Variants in PTCHD4 observed in about 807,000 individuals in gnomAD.
The protein encoded by PTCHD4 is patched domain-containing protein 4.
In PTCHD4, 33 loss-of-function variants were observed where a neutral mutation model predicts 58.1. That is an observed-to-expected ratio of 0.57 (90% CI 0.43 to 0.76). PTCHD4 has a LOEUF of 0.76. Among genes scored for constraint, PTCHD4 ranks in the 30% least tolerant of loss-of-function variants. PTCHD4 has a pLI of 0.00. For synonymous variants in PTCHD4, 478 were observed against 409.6 expected (o/e 1.17, Z -2.02); for missense variants, 1,058 against 1,027.1 (o/e 1.03, Z -0.41).
chr6:47,915,928 C>A (rs1765229121), intron 4 of PTCHD4, among the ~76,000 whole-genome samples: 1 of 152,064 alleles, frequency 6.6e-6, no homozygotes. Context: ...CTGTAAGAAT[C>A]CTTTATACAC....
At chr6:47,966,817 C>T (rs370739241) in intron 4 of PTCHD4, among the ~76,000 whole-genome samples, 1 of 152,198 alleles carries the variant, frequency 6.6e-6, no homozygotes, top group East Asian at 1.9e-4. Flanking sequence ...GTCCCATTTT[C>T]AGGCTTCACT....
chr6:47,914,757 T>TATC (rs1765188184), intron 4 of PTCHD4, among the ~76,000 whole-genome samples: 1 of 146,958 alleles, frequency 6.8e-6, no homozygotes, highest in Non-Finnish European at 1.5e-5. Context: ...TCTATCTATC[T>TATC]ATCTATCTAT....
At chr6:47,897,410 T>C (rs1764558963) in intron 4 of PTCHD4, among the ~76,000 whole-genome samples, 1 of 152,190 alleles carries the variant, frequency 6.6e-6, no homozygotes, top group African/African-American at 2.4e-5. Context: ...CATGACGCAG[T>C]CCTGGACTTG....
chr6:47,914,390 C>T (rs1765165956), intron 4 of PTCHD4, among the ~76,000 whole-genome samples: 1 of 151,904 alleles, frequency 6.6e-6, no homozygotes, highest in African/African-American at 2.4e-5. Context: ...TGTGGATGGG[C>T]CTTATCCAAC....
intron 4 of PTCHD4, among the ~76,000 whole-genome samples, chr6:47,929,266 A>G (rs1427191543): frequency 1.3e-5 from 2 of 152,252 alleles, no homozygotes; most frequent in Non-Finnish European, 1.5e-5. Context: ...CTAAAGATTC[A>G]AACTCAGAAG....
At chr6:48,002,631 G>C (rs894709660) in intron 4 of PTCHD4, among the ~76,000 whole-genome samples, 2 of 151,640 alleles carry the variant, frequency 1.3e-5, no homozygotes, top group Non-Finnish European at 2.9e-5. Context: ...AGGGGGGAGG[G>C]ATAGCATTAG....
intron 1 of PTCHD4, among the ~76,000 whole-genome samples, chr6:48,085,848 G>C (rs1471871496): frequency 6.6e-6 from 1 of 152,016 alleles, no homozygotes; most frequent in Non-Finnish European, 1.5e-5. Flanking sequence ...TGTGATGCGT[G>C]CTTAGTCTGG....
intron 4 of PTCHD4, among the ~76,000 whole-genome samples, chr6:47,946,959 T>TGG (rs1407280863): frequency 6.6e-6 from 1 of 152,128 alleles, no homozygotes; most frequent in Non-Finnish European, 1.5e-5. Flanking sequence ...TCCTCCCACT[T>TGG]CAGCCCCCTG....
rs186269203 is a variant in PTCHD4 at position 47,947,862 on chromosome 6, C to T, written c.898+60772G>A. On this transcript the variant is annotated intron_variant, in intron 4 of 4. Transcript: ENST00000339488. ...GTTTTGTTTTCCAATATTATGTTTC[C>T]GCCATTGTTTCTGTTCTTTCCATCT... Among the ~76,000 whole-genome samples the T allele has an allele frequency of 7.9e-5, 12 of 152,076 alleles. No individual in the cohort carries two copies. In the East Asian group the frequency reaches 1.4e-3, roughly 17 times the overall value.
At chr6:48,076,395 T>C (rs1293346596) in intron 1 of PTCHD4, among the ~76,000 whole-genome samples, 4 of 152,224 alleles carry the variant, frequency 2.6e-5, no homozygotes, top group Admixed American at 2.6e-4. Context: ...AAATCATAAA[T>C]GTTCTAATGG....
At chr6:47,884,718 T>C (rs986048582) in intron 4 of PTCHD4, among the ~76,000 whole-genome samples, 1 of 152,268 alleles carries the variant, frequency 6.6e-6, no homozygotes, top group African/African-American at 2.4e-5. Flanking sequence ...GGACTTGTTT[T>C]ACATGCAGTT....
At chr6:47,986,698 A>T (rs112870358) in intron 4 of PTCHD4, among the ~76,000 whole-genome samples, 2,650 of 152,276 alleles carry the variant, frequency 0.017, 40 homozygotes, top group South Asian at 0.055. Context: ...ATTTGGTCTA[A>T]TCAAGCTCCT....
At position 48,045,754 on chromosome 6, in the gene PTCHD4, T is replaced by A. The variant is rs368931340; in HGVS notation, c.417+22476A>T. ...AGGCCAGGATGCAATTCCAAGTTGG[T>A]CTGATTCCAGAGATTTTTTTTTTCT... On this transcript the variant is annotated intron_variant, in intron 3 of 4. Transcript: ENST00000339488. Among the ~76,000 whole-genome samples, 29 of 151,702 alleles carry A rather than the reference T, an allele frequency of 1.9e-4. No individual in the cohort carries two copies. The East Asian group carries it at 4.8e-3, about 25-fold the overall frequency.
At chr6:47,884,497 C>A (rs1352319753) in intron 4 of PTCHD4, among the ~76,000 whole-genome samples, 1 of 152,216 alleles carries the variant, frequency 6.6e-6, no homozygotes, top group Non-Finnish European at 1.5e-5. Context: ...CCAGTGTCCA[C>A]CCCAAAGACA....
intron 4 of PTCHD4, among the ~76,000 whole-genome samples, chr6:47,929,170 T>C (rs997335967): frequency 2.0e-5 from 3 of 152,014 alleles, no homozygotes; most frequent in African/African-American, 7.2e-5. Flanking sequence ...AGAAACAGTA[T>C]AAAATGAAAA....
At chr6:48,041,749 T>A (rs1763856373) in intron 3 of PTCHD4, among the ~76,000 whole-genome samples, 1 of 152,000 alleles carries the variant, frequency 6.6e-6, no homozygotes, top group African/African-American at 2.4e-5. Flanking sequence ...TTTGATCGCT[T>A]AACATCCAGA....
At chr6:47,985,102 A>G (rs1331582063) in intron 4 of PTCHD4, among the ~76,000 whole-genome samples, 1 of 152,166 alleles carries the variant, frequency 6.6e-6, no homozygotes, top group African/African-American at 2.4e-5. Context: ...AACTTAATAT[A>G]TCTTTTCATA....
Position 47,859,083 on chromosome 6 carries a change from A to G in PTCHD4, c.*19220T>C, listed in dbSNP as rs375776980. On this transcript the variant is annotated 3_prime_UTR_variant, in exon 5 of 5. Coordinates refer to ENST00000339488, the MANE Select transcript of PTCHD4 (RefSeq NM_001384253.1). ...TCCTGAGCATCAGATAATATATTTTATTCACGCTTATGTCAGGGTAACTTT... is the reference window on the plus strand; with the variant it reads ...TCCTGAGCATCAGATAATATATTTTGTTCACGCTTATGTCAGGGTAACTTT... Among the ~76,000 whole-genome samples, 1 of 152,036 alleles carries G rather than the reference A, an allele frequency of 6.6e-6. No homozygotes were observed. Among genetic ancestry groups the G allele is most frequent in the East Asian group, 1.9e-4 (1 of 5,152 alleles).
In PTCHD4 at chr6:47,861,974, C is replaced by T. The variant is rs183652977; in HGVS notation, c.*16329G>A. 1.3e-5 allele frequency among the ~76,000 whole-genome samples: 2 copies of T among 151,940 alleles called. No individual in the cohort carries two copies. Among genetic ancestry groups the T allele is most frequent in the African/African-American group, 4.8e-5 (2 of 41,516 alleles). On this transcript the variant is annotated 3_prime_UTR_variant, in exon 5 of 5. Coordinates refer to ENST00000339488, the MANE Select transcript of PTCHD4 (RefSeq NM_001384253.1). ...TTTCCTGTTATCGAAAAAGTTCTTC[C>T]AATCAGTTATTCTCTTTGTCGACTT...
Sources: allele counts gnomAD v4.1 joint callset (sites outside exome capture counted in the v4.1 genomes callset), GRCh38; gene constraint gnomAD v4.1.1; transcripts MANE v1.5; gene names NCBI Gene and HGNC (gene_info 2026-07-23, HGNC 2026-07-21).